The following MLLT3 variants were observed in gnomAD, a reference collection of about 807,000 sequenced individuals.
MLLT3 encodes the protein protein AF-9.
In MLLT3, 4 loss-of-function variants were observed where a neutral mutation model predicts 53.2. The observed-to-expected ratio is 0.08, with a 90% CI of 0.04 to 0.17. The LOEUF (loss-of-function observed/expected upper bound fraction) is 0.17, where lower values mean the gene tolerates loss of function less well. Among genes scored for constraint, MLLT3 ranks in the 10% least tolerant of loss-of-function variants. The pLI, the probability that MLLT3 is intolerant of heterozygous loss-of-function variation, is 1.00. For synonymous variants in MLLT3, 283 were observed against 230.6 expected (o/e 1.23, Z -2.06); for missense variants, 569 against 684.0 (o/e 0.83, Z 1.87).
chr9:20,342,857 T>C lies in MLLT3; in HGVS notation c.*3586A>G, dbSNP rs1820771058. On this transcript the variant is annotated 3_prime_UTR_variant, in exon 11 of 11. Coordinates refer to ENST00000380338, the MANE Select transcript of MLLT3 (RefSeq NM_004529.4). ...GTGTATATATATATATATATGTATA[T>C]ATAAATATAGGAGCAGTACATAGCA... The C allele has an allele frequency of 5.7e-6, 1 of 174,954 alleles. No individual in the cohort carries two copies. The highest frequency in any genetic ancestry group is 6.5e-5 in the Admixed American group (1 of 15,486). 10.8% of individuals were successfully genotyped at this position (174,954 alleles called of 1,614,324 possible).
intron 2 of MLLT3, among the ~76,000 whole-genome samples, chr9:20,567,410 C>A (rs1301119369): frequency 1.3e-5 from 2 of 151,460 alleles, no homozygotes; most frequent in African/African-American, 4.9e-5. Flanking sequence ...ATTAGCCTTG[C>A]TGTTGCAATC....
intron 2 of MLLT3, among the ~76,000 whole-genome samples, chr9:20,490,656 C>G (rs1369917227): frequency 1.3e-5 from 2 of 152,222 alleles, no homozygotes; most frequent in East Asian, 3.9e-4. Context: ...CAGCTTCTGA[C>G]CCAGAGAATC....
chr9:20,558,801 A>C (rs1819127475), intron 2 of MLLT3, among the ~76,000 whole-genome samples: 1 of 152,226 alleles, frequency 6.6e-6, no homozygotes, highest in Non-Finnish European at 1.5e-5. Flanking sequence ...CACTATGAGA[A>C]ACTGTTGGCA....
intron 2 of MLLT3, among the ~76,000 whole-genome samples, chr9:20,514,263 C>G (rs1429096483): frequency 6.6e-6 from 1 of 152,244 alleles, no homozygotes; most frequent in East Asian, 1.9e-4. Context: ...GTCCTGTGTC[C>G]TGATGAGTGG....
chr9:20,542,888 G>C (rs560769242), intron 2 of MLLT3, among the ~76,000 whole-genome samples: 48 of 152,322 alleles, frequency 3.2e-4, no homozygotes, highest in Non-Finnish European at 6.2e-4. Context: ...ATCTTAGCTA[G>C]AGCTTCTGGA....
At chr9:20,545,282 C>T (rs999625365) in intron 2 of MLLT3, among the ~76,000 whole-genome samples, 18 of 151,994 alleles carry the variant, frequency 1.2e-4, no homozygotes, top group African/African-American at 3.6e-4. Context: ...CCTGAGGACA[C>T]GCTAAGTGAA....
intron 5 of MLLT3, among the ~76,000 whole-genome samples, chr9:20,382,052 T>C (rs943878948): frequency 1.3e-5 from 2 of 151,876 alleles, no homozygotes; most frequent in Admixed American, 6.6e-5. Flanking sequence ...GAGAAGGGTA[T>C]CTTTTTTCCT....
chr9:20,621,798 G>T lies in MLLT3; in HGVS notation c.12+447C>A. 1 of 1,457,580 alleles carries T rather than the reference G, an allele frequency of 6.9e-7. No individual in the cohort carries two copies. Among genetic ancestry groups the T allele is most frequent in the Non-Finnish European group, 9.0e-7 (1 of 1,115,314 alleles). The allele number at this position is 1,457,580 out of a possible 1,614,324, so 90.3% of individuals were successfully genotyped here. ...CATCGTAGCGGCCGCGGCGCTTTGC[G>T]GAGGTGCGGCCGCCGAGGCTGCTCG... is the stretch of plus-strand genomic sequence containing the variant. On this transcript the variant is annotated intron_variant, in intron 1 of 10. Coordinates refer to ENST00000380338, the MANE Select transcript of MLLT3 (RefSeq NM_004529.4). The surrounding 1 kb of genome is among the most constrained non-coding windows in gnomAD (Gnocchi z 7.0).
Position 20,621,949 on chromosome 9 carries a change from G to A in MLLT3, c.12+296C>T, listed in dbSNP as rs1821026945. 3 of 1,397,370 alleles carry A rather than the reference G, an allele frequency of 2.1e-6. No homozygotes were observed. Among genetic ancestry groups the A allele is most frequent in the Non-Finnish European group, 2.8e-6 (3 of 1,082,254 alleles). 86.6% of individuals were successfully genotyped at this position (1,397,370 alleles called of 1,614,324 possible). On this transcript the variant is annotated intron_variant, in intron 1 of 10. Coordinates refer to ENST00000380338, the MANE Select transcript of MLLT3 (RefSeq NM_004529.4). This position sits in a 1 kb window ranked among gnomAD's most constrained non-coding sequence, Gnocchi z 7.0. ...TGCGCGCGTGTGAGCGAGAGGGAGT[G>A]TGTGAGTGCGCTTCTTGTGACTGCA...
chr9:20,608,985 T>G (rs1820636762), intron 2 of MLLT3, among the ~76,000 whole-genome samples: 1 of 151,958 alleles, frequency 6.6e-6, no homozygotes. Context: ...GATGAACAAA[T>G]CTAGCCATTC....
rs1234407361 is a variant in MLLT3, at chr9:20,620,163, A to G, written c.193+491T>C. On this transcript the variant is annotated intron_variant, in intron 2 of 10. Transcript: ENST00000380338. This position sits in a 1 kb window ranked among gnomAD's most constrained non-coding sequence, Gnocchi z 6.1. ...CAGACAGGAAAGCACAGAAGACCCTAAAGAGAACCGACTTGCCAAGACCGA... is the reference window on the plus strand; with the variant it reads ...CAGACAGGAAAGCACAGAAGACCCTGAAGAGAACCGACTTGCCAAGACCGA... 2.0e-5 allele frequency among the ~76,000 whole-genome samples: 3 copies of G among 152,036 alleles called. No homozygotes were observed. In the South Asian group the frequency reaches 6.2e-4, roughly 32 times the overall value.
At chr9:20,583,668 C>T (rs1335248550) in intron 2 of MLLT3, among the ~76,000 whole-genome samples, 2 of 152,198 alleles carry the variant, frequency 1.3e-5, no homozygotes, top group African/African-American at 4.8e-5. Context: ...GGGGCTTCCA[C>T]CCTCTGAAGC....
intron 10 of MLLT3, among the ~76,000 whole-genome samples, chr9:20,351,033 G>C (rs1437662803): frequency 2.0e-5 from 3 of 152,148 alleles, no homozygotes; most frequent in Non-Finnish European, 4.4e-5. Context: ...GGAAAGCACG[G>C]ACAACCACCA....
At chr9:20,437,014 A>G (rs1455051391) in intron 4 of MLLT3, among the ~76,000 whole-genome samples, 1 of 152,154 alleles carries the variant, frequency 6.6e-6, no homozygotes, top group Non-Finnish European at 1.5e-5. Flanking sequence ...AGAGATTAGT[A>G]ATGTGCCCAA....
intron 2 of MLLT3, among the ~76,000 whole-genome samples, chr9:20,504,401 T>C (rs956338200): frequency 6.6e-6 from 1 of 151,742 alleles, no homozygotes; most frequent in Non-Finnish European, 1.5e-5. Context: ...AAAGGCTGAA[T>C]ACTATTCAGC....
At chr9:20,446,159 A>G (rs1823693782) in intron 4 of MLLT3, among the ~76,000 whole-genome samples, 1 of 152,186 alleles carries the variant, frequency 6.6e-6, no homozygotes, top group Non-Finnish European at 1.5e-5. Context: ...TTATTTTACT[A>G]CAAAATTCAC....
rs374704290 is a variant in MLLT3 at position 20,504,819 on chromosome 9, T to A, written c.194-48033A>T. 5.9e-5 allele frequency among the ~76,000 whole-genome samples: 9 copies of A among 152,292 alleles called. No homozygotes were observed. The East Asian group carries it at 1.5e-3, about 26-fold the overall frequency. ...TGGCCATTTCACAATGTATACAGAT[T>A]TCCACATCATGTTATACACTATAAA... is the stretch of plus-strand genomic sequence containing the variant. On this transcript the variant is annotated intron_variant, in intron 2 of 10. Coordinates refer to ENST00000380338, the MANE Select transcript of MLLT3 (RefSeq NM_004529.4).
At chr9:20,510,395 G>A (rs750384546) in intron 2 of MLLT3, among the ~76,000 whole-genome samples, 2 of 152,040 alleles carry the variant, frequency 1.3e-5, no homozygotes, top group Admixed American at 6.6e-5. Context: ...GGCAGATCAC[G>A]AGGTCAGGAG....
At chr9:20,588,642 TTGTC>T (rs1370509109) in intron 2 of MLLT3, among the ~76,000 whole-genome samples, 7 of 152,158 alleles carry the variant, frequency 4.6e-5, no homozygotes, top group Non-Finnish European at 1.0e-4. Context: ...GCCTCTCTGT[TTGTC>T]TGTTGTTGGT....
Sources: allele counts gnomAD v4.1 joint callset (sites outside exome capture counted in the v4.1 genomes callset), GRCh38; gene constraint gnomAD v4.1.1; non-coding constraint Gnocchi (gnomAD v3.1); transcripts MANE v1.5; gene names NCBI Gene and HGNC (gene_info 2026-07-23, HGNC 2026-07-21).